DMD: variants seen among roughly 807,000 people sequenced by gnomAD.
The protein encoded by DMD is mutant dystrophin.
In DMD, 63 loss-of-function variants were observed where a neutral mutation model predicts 330.1. That is an observed-to-expected ratio of 0.19 (90% CI 0.16 to 0.24). DMD has a LOEUF of 0.24. DMD is among the 10% of genes least tolerant of loss of function. The pLI is 1.00. For synonymous variants in DMD, 1,223 were observed against 959.8 expected, an observed-to-expected ratio of 1.27 and a Z score of -5.07; for missense variants, 3,344 against 2,684.1, an observed-to-expected ratio of 1.25 and a Z score of -5.43.
intron 1 of DMD, among the ~76,000 whole-genome samples, chrX:33,271,628 G>T (rs985022820): frequency 5.6e-5 from 6 of 107,885 alleles, no homozygotes; most frequent in Non-Finnish European, 7.7e-5. Context: ...TTAGCCGGGT[G>T]TGTGGCGGGT....
At chrX:32,711,243 T>A (rs1299852817) in intron 7 of DMD, among the ~76,000 whole-genome samples, 1 of 111,896 alleles carries the variant, frequency 8.9e-6, no homozygotes, top group African/African-American at 3.2e-5. Flanking sequence ...CCAGTTCTTC[T>A]TGACTCTGAA....
At chrX:32,361,310 G>T (rs894223991) in intron 37 of DMD, among the ~76,000 whole-genome samples, 1 of 111,224 alleles carries the variant, frequency 9.0e-6, no homozygotes, top group Non-Finnish European at 1.9e-5. Context: ...AATTTTAAGA[G>T]CCTGTCACAT....
intron 62 of DMD, among the ~76,000 whole-genome samples, chrX:31,289,184 C>T (rs1026594364): frequency 2.0e-5 from 2 of 100,523 alleles, no homozygotes; most frequent in Admixed American, 1.1e-4. Flanking sequence ...GAGGCTGAGG[C>T]GGGAGAATCA....
At chrX:32,659,855 T>C (rs939150348) in intron 9 of DMD, among the ~76,000 whole-genome samples, 33 of 110,785 alleles carry the variant, frequency 3.0e-4, no homozygotes, top group Non-Finnish European at 1.7e-4. Flanking sequence ...TCTTGGAATC[T>C]CTTCCTATTC....
intron 19 of DMD, among the ~76,000 whole-genome samples, chrX:32,498,293 T>A (rs1268173171): frequency 9.0e-6 from 1 of 111,307 alleles, no homozygotes; most frequent in Non-Finnish European, 1.9e-5. Flanking sequence ...TCCAACCAAT[T>A]AATGCTGACA....
Position 32,411,686 on chromosome X carries a change from A to G in DMD, c.4233+66T>C. On this transcript the variant is annotated intron_variant, in intron 30 of 78. Coordinates refer to ENST00000357033, the MANE Select transcript of DMD (RefSeq NM_004006.3). ...TAGTTGAATAAATTTAAAGTTAGAAACACTGCAACATTTTGTTGAAGTAAT... is the reference window on the plus strand; with the variant it reads ...TAGTTGAATAAATTTAAAGTTAGAAGCACTGCAACATTTTGTTGAAGTAAT... 4.4e-6 allele frequency: 5 copies of G among 1,135,568 alleles called. No individual in the cohort carries two copies. In the South Asian group the frequency reaches 7.3e-5, roughly 17 times the overall value. The allele number at this position is 1,135,568 out of a possible 1,213,427, so 93.6% of individuals were successfully genotyped here.
At chrX:31,373,665 T>C (rs1480666941) in intron 60 of DMD, among the ~76,000 whole-genome samples, 1 of 110,461 alleles carries the variant, frequency 9.1e-6, no homozygotes, top group Non-Finnish European at 1.9e-5. Flanking sequence ...ATACGAAAAT[T>C]AATTCAAGAT....
intron 1 of DMD, among the ~76,000 whole-genome samples, chrX:33,272,364 C>A (rs1448849405): frequency 9.0e-6 from 1 of 111,507 alleles, no homozygotes; most frequent in Non-Finnish European, 1.9e-5. Context: ...TAGAGAAATC[C>A]ATGTAGAGTG....
intron 4 of DMD, among the ~76,000 whole-genome samples, chrX:32,842,650 G>A (rs1044085176): frequency 2.3e-4 from 26 of 110,984 alleles, no homozygotes; most frequent in Middle Eastern, 4.3e-3. Context: ...TGTTTAGCTC[G>A]TACTTATTGA....
At position 31,729,121 on chromosome X, in the gene DMD, G is replaced by T. The variant is rs192481551; in HGVS notation, c.7660+510C>A. Among the ~76,000 whole-genome samples the T allele has an allele frequency of 3.4e-4, 38 of 112,038 alleles. No individual in the cohort carries two copies. In the Admixed American group the frequency reaches 3.5e-3, roughly 10 times the overall value. On this transcript the variant is annotated intron_variant, in intron 52 of 78. Coordinates refer to ENST00000357033, the MANE Select transcript of DMD (RefSeq NM_004006.3). ...TCAGATGGGTCTTACCAAAGTTCCT[G>T]CCCACCCTACTACGGCATAAGGTAC...
At chrX:31,422,097 C>A in intron 60 of DMD, among the ~76,000 whole-genome samples, 1 of 102,387 alleles carries the variant, frequency 9.8e-6, no homozygotes, top group Non-Finnish European at 2.0e-5. Context: ...CACCCAGGCT[C>A]CGGGTTCAAG....
At chrX:32,529,461 C>T (rs184040442) in intron 17 of DMD, among the ~76,000 whole-genome samples, 1 of 80,351 alleles carries the variant, frequency 1.2e-5, no homozygotes, top group Admixed American at 1.7e-4. Context: ...TGCAGTGGCA[C>T]AATCTCACTG....
intron 53 of DMD, among the ~76,000 whole-genome samples, chrX:31,674,312 T>C (rs1212513981): frequency 8.9e-6 from 1 of 112,416 alleles, no homozygotes; most frequent in Non-Finnish European, 1.9e-5. Context: ...AATAGCTGCC[T>C]TAGTTACTAC....
intron 48 of DMD, among the ~76,000 whole-genome samples, chrX:31,845,970 T>G (rs966800802): frequency 9.0e-6 from 1 of 111,176 alleles, no homozygotes; most frequent in Non-Finnish European, 1.9e-5. Context: ...CCAGTGATAC[T>G]TGTAGAGTGA....
intron 17 of DMD, 42 bp from the exon 18 acceptor site, chrX:32,518,173 TCTTTC>T (rs774756742): frequency 8.6e-7 from 1 of 1,166,569 alleles, no homozygotes; most frequent in South Asian, 1.8e-5. Context: ...CTTGATTATC[TCTTTC>T]TTCTATATTA....
At chrX:32,101,645 A>T (rs996529418) in intron 44 of DMD, among the ~76,000 whole-genome samples, 2 of 112,086 alleles carry the variant, frequency 1.8e-5, no homozygotes, top group Non-Finnish European at 3.8e-5. Context: ...TTGAATTGTA[A>T]ATTTAAAACT....
chrX:32,479,283 G>T (rs1238597702), intron 21 of DMD, among the ~76,000 whole-genome samples: 1 of 110,583 alleles, frequency 9.0e-6, no homozygotes, highest in Non-Finnish European at 1.9e-5. Flanking sequence ...CTTTTTTTGT[G>T]ATGCGGATAT....
At chrX:32,094,407 A>G (rs1274707307) in intron 44 of DMD, among the ~76,000 whole-genome samples, 1 of 112,439 alleles carries the variant, frequency 8.9e-6, no homozygotes, top group Non-Finnish European at 1.9e-5. Flanking sequence ...CAAGATAATT[A>G]CTGATGTATA....
intron 29 of DMD, among the ~76,000 whole-genome samples, chrX:32,434,894 A>C (rs2098253363): frequency 9.0e-6 from 1 of 111,585 alleles, no homozygotes; most frequent in South Asian, 3.7e-4. Flanking sequence ...TGTGGTTTTC[A>C]TGAAAGCCGT....
Sources: allele counts gnomAD v4.1 joint callset (sites outside exome capture counted in the v4.1 genomes callset), GRCh38; gene constraint gnomAD v4.1.1; transcripts MANE v1.5; gene names NCBI Gene and HGNC (gene_info 2026-07-23, HGNC 2026-07-21).